KIF3C: variants seen among roughly 807,000 people sequenced by gnomAD.
KIF3C encodes the protein kinesin family member 3C.
A neutral mutation model predicts 67.7 loss-of-function variants in KIF3C; 12 were observed. The ratio of observed to expected loss-of-function variants is 0.18; its 90% CI spans 0.11 to 0.29. The LOEUF is 0.29. Ranked by LOEUF, KIF3C falls within the 10% of genes least tolerant of loss-of-function variation. The probability of loss-of-function intolerance (pLI) is 1.00; values close to 1 mark genes in which losing one functional copy is unlikely to be tolerated. For synonymous variants in KIF3C, 393 were observed against 426.2 expected (o/e 0.92, Z 0.96); for missense variants, 789 against 1,059.6 (o/e 0.74, Z 3.55).
chr2:25,970,509 A>G (rs1481738774), intron 1 of KIF3C, among the ~76,000 whole-genome samples: 1 of 151,692 alleles, frequency 6.6e-6, no homozygotes, highest in East Asian at 1.9e-4. Context: ...CTCTACTAAA[A>G]ATACAAAAAT....
intron 1 of KIF3C, among the ~76,000 whole-genome samples, chr2:25,957,047 G>C (rs542101263): frequency 6.6e-6 from 1 of 152,302 alleles, no homozygotes; most frequent in East Asian, 1.9e-4. Context: ...GAGGCTTTGG[G>C]CAAATTAATC....
Position 25,982,306 on chromosome 2 carries a change from CTCCT to C in KIF3C, c.-393_-390del. 2.5e-6 allele frequency: 1 copy of C among 402,186 alleles called. No homozygotes were observed. The highest frequency in any genetic ancestry group is 4.4e-5 in the Admixed American group (1 of 22,926). 24.9% of individuals were successfully genotyped at this position (402,186 alleles called of 1,614,324 possible). On this transcript the variant is annotated 5_prime_UTR_variant, in exon 1 of 8. An upstream open reading frame in the 5' UTR gains an earlier in-frame stop. Transcript: ENST00000264712. ...GGGGTGGGCGGCGAGCTGTCTTCTCCTCCTTCCTCTAGGGATCCATAGCGTGGGC... is the reference window on the plus strand; with the variant it reads ...GGGGTGGGCGGCGAGCTGTCTTCTCCTCCTCTAGGGATCCATAGCGTGGGC...
chr2:25,929,411 G>A lies in KIF3C; in HGVS notation c.2182C>T (p.His728Tyr). ...PPAVFEMEFS[H>Y]DQEQDPRALH... is the part of the protein sequence containing the mutation. Reference sequence around the variant, plus strand: ...GCACGAGGGTCTTGTTCTTGGTCGTGAGAGAATTCCATCTCAAAGACAGCT... The same window carrying A: ...GCACGAGGGTCTTGTTCTTGGTCGTAAGAGAATTCCATCTCAAAGACAGCT... Residue 728 changes from histidine (H) to tyrosine (Y), a missense_variant, in exon 7 of 8, where the codon CAC becomes TAC. Around this residue, in one of 2 missense-constraint regions of KIF3C, gnomAD observed 648 missense variants for 807.8 expected, o/e 0.80. Transcript: ENST00000264712. 6.2e-7 allele frequency: 1 copy of A among 1,614,046 alleles called. No homozygotes were observed. Among genetic ancestry groups the A allele is most frequent in the Non-Finnish European group, 8.5e-7 (1 of 1,179,938 alleles).
At chr2:25,940,650 C>CTTTTTTTTTTTTTTTTTT (rs70950139) in intron 5 of KIF3C, among the ~76,000 whole-genome samples, 2 of 74,172 alleles carry the variant, frequency 2.7e-5, no homozygotes, top group African/African-American at 5.3e-5. Context: ...TCAGAATGTT[C>CTTTTTTTTTTTTTTTTTT]TTTTTTTTTT....
intron 1 of KIF3C, among the ~76,000 whole-genome samples, chr2:25,964,624 G>A (rs1303804670): frequency 2.6e-5 from 4 of 152,072 alleles, no homozygotes. Flanking sequence ...GTGCCAGCAT[G>A]CCGGCTAATT....
At chr2:25,929,153 C>T in intron 7 of KIF3C, 82 bp from the exon 8 acceptor site, 1 of 1,424,342 alleles carries the variant, frequency 7.0e-7, no homozygotes, top group Non-Finnish European at 9.8e-7. Flanking sequence ...TTTGCCCCAT[C>T]CTGTTGCTGC....
At chr2:25,936,732 T>G (rs926372696) in intron 5 of KIF3C, among the ~76,000 whole-genome samples, 1 of 152,244 alleles carries the variant, frequency 6.6e-6, no homozygotes, top group Non-Finnish European at 1.5e-5. Context: ...GTGATTACAC[T>G]TATGGAAGTT....
rs1465878 is a variant in KIF3C at position 25,980,809 on chromosome 2, C to G, written c.1109G>C (p.Arg370Pro). ...NRAKNIKNKP[R>P]VNEDPKDTLL... ...TGTGTCCTTGGGGTCCTCGTTCACC[C>G]GGGGCTTGTTCTTGATGTTCTTGGC... The change falls in exon 1 of 8, where the codon CGG becomes CCG. Residue 370 changes from arginine (R) to proline (P), a missense_variant. By Grantham distance (103) the Arg-to-Pro change is moderately radical (BLOSUM62 -2). Around this residue, in one of 2 missense-constraint regions of KIF3C, gnomAD observed 648 missense variants for 807.8 expected, o/e 0.80. Transcript: ENST00000264712. This position sits in a 1 kb window ranked among gnomAD's most constrained non-coding sequence, Gnocchi z 7.6. 1 of 1,614,184 alleles carries G rather than the reference C, an allele frequency of 6.2e-7. No individual in the cohort carries two copies. Among genetic ancestry groups the G allele is most frequent in the Admixed American group, 1.7e-5 (1 of 60,008 alleles).
chr2:25,965,732 A>T (rs1664125240), intron 1 of KIF3C, among the ~76,000 whole-genome samples: 1 of 151,800 alleles, frequency 6.6e-6, no homozygotes, highest in Admixed American at 6.6e-5. Flanking sequence ...AGAGGACATG[A>T]GAATGTGGAG....
chr2:25,953,726 A>G (rs1353431043), intron 4 of KIF3C, among the ~76,000 whole-genome samples: 1 of 144,864 alleles, frequency 6.9e-6, no homozygotes, highest in Non-Finnish European at 1.5e-5. Context: ...GCTGGATTGC[A>G]GTGGCATGAT....
chr2:25,954,098 G>C, intron 4 of KIF3C, 169 bp downstream of exon 4: 1 of 659,826 alleles, frequency 1.5e-6, no homozygotes, highest in East Asian at 2.5e-5. Flanking sequence ...AGGCAGAGGA[G>C]GTAGAAGAAA....
intron 1 of KIF3C, among the ~76,000 whole-genome samples, chr2:25,957,107 T>C (rs947560514): frequency 5.9e-5 from 9 of 152,342 alleles, no homozygotes; most frequent in Non-Finnish European, 4.4e-5. Flanking sequence ...TGTTCCAGGA[T>C]GGCTGGCAAA....
rs543822087 is a variant in KIF3C, at chr2:25,958,449, C to T, written c.1546-2005G>A. On this transcript the variant is annotated intron_variant, in intron 1 of 7. Coordinates refer to ENST00000264712, the MANE Select transcript of KIF3C (RefSeq NM_002254.8). This position sits in a 1 kb window ranked among gnomAD's most constrained non-coding sequence, Gnocchi z 4.5. ...GACAAAAATTAGCTGGGTGTGGTGG[C>T]GTGCACCTGTAGTCCTAGATACTCA... 9.9e-5 allele frequency among the ~76,000 whole-genome samples: 15 copies of T among 152,094 alleles called. No individual in the cohort carries two copies. In the South Asian group the frequency reaches 1.0e-3, roughly 11 times the overall value.
At chr2:25,976,538 A>G (rs1307924490) in intron 1 of KIF3C, among the ~76,000 whole-genome samples, 1 of 152,144 alleles carries the variant, frequency 6.6e-6, no homozygotes, top group African/African-American at 2.4e-5. Flanking sequence ...GAGGTGGGCA[A>G]ATCACAAGGT....
chr2:25,956,493 C>T lies in KIF3C; in HGVS notation c.1546-49G>A, dbSNP rs114011640. 612 of 1,418,312 alleles carry T rather than the reference C, an allele frequency of 4.3e-4. 4 individuals are homozygous for T. In the African/African-American group the frequency reaches 7.4e-3, roughly 17 times the overall value. The allele number at this position is 1,418,312 out of a possible 1,614,324, so 87.9% of individuals were successfully genotyped here. On this transcript the variant is annotated intron_variant, in intron 1 of 7. Transcript: ENST00000264712. The stretch of plus-strand genomic sequence containing the variant: ...GGTGGGCTTTGCAAAGGGTCCACAA[C>T]ATTGCTAGCTGGAGAGATTTTGCTT...
rs1330910616 is a variant in KIF3C, at chr2:25,928,180, A to G, written c.*798T>C. Reference sequence around the variant, plus strand: ...CCTGTCGACCAAAATGACTCCTCGGAGGGGACAGAAACAAAGGAATCCAGT... The same window carrying G: ...CCTGTCGACCAAAATGACTCCTCGGGGGGGACAGAAACAAAGGAATCCAGT... On this transcript the variant is annotated 3_prime_UTR_variant, in exon 8 of 8. Transcript: ENST00000264712. 6.6e-6 allele frequency: 1 copy of G among 152,156 alleles called. No homozygotes were observed. Among genetic ancestry groups the G allele is most frequent in the Non-Finnish European group, 1.5e-5 (1 of 68,030 alleles). 9.4% of individuals were successfully genotyped at this position (152,156 alleles called of 1,614,324 possible).
At chr2:25,963,910 C>G (rs577069946) in intron 1 of KIF3C, among the ~76,000 whole-genome samples, 1 of 152,046 alleles carries the variant, frequency 6.6e-6, no homozygotes, top group South Asian at 2.1e-4. Context: ...CCAGGCTGGT[C>G]TCAAACTGCT....
intron 5 of KIF3C, among the ~76,000 whole-genome samples, chr2:25,935,252 AT>A (rs1282945899): frequency 1.3e-5 from 2 of 152,084 alleles, no homozygotes; most frequent in East Asian, 1.9e-4. Flanking sequence ...TTAAAAAAAA[AT>A]AAATAATAAA....
rs557722539 is a variant in KIF3C at position 25,929,594 on chromosome 2, T to G, written c.2116-117A>C. The G allele has an allele frequency of 1.6e-4, 124 of 794,160 alleles. 1 individual carries two copies. In the African/African-American group the frequency reaches 2.0e-3, roughly 13 times the overall value. The allele number at this position is 794,160 out of a possible 1,614,324, so 49.2% of individuals were successfully genotyped here. On this transcript the variant is annotated intron_variant, in intron 6 of 7. Coordinates refer to ENST00000264712, the MANE Select transcript of KIF3C (RefSeq NM_002254.8). The stretch of plus-strand genomic sequence containing the variant: ...AGGTGGTTAGGGGAAGCAGAGGCTG[T>G]GAGCATCCCCTCCCATAGGCTCTTT...
Sources: allele counts gnomAD v4.1 joint callset (sites outside exome capture counted in the v4.1 genomes callset), GRCh38; gene constraint gnomAD v4.1.1; regional missense constraint gnomAD v4.1.1; non-coding constraint Gnocchi (gnomAD v3.1); transcripts MANE v1.5; gene names NCBI Gene and HGNC (gene_info 2026-07-23, HGNC 2026-07-21).